Variants in EGFLAM observed in about 807,000 individuals in gnomAD.
The protein encoded by EGFLAM is pikachurin.
A neutral mutation model predicts 113.1 loss-of-function variants in EGFLAM; 79 were observed. The observed-to-expected ratio is 0.70, with a 90% CI of 0.58 to 0.84. The LOEUF (loss-of-function observed/expected upper bound fraction) is 0.84, where lower values mean the gene tolerates loss of function less well. Among genes scored for constraint, EGFLAM ranks in the 40% least tolerant of loss-of-function variants. The pLI is 0.00. For synonymous variants in EGFLAM, 504 were observed against 487.6 expected, an observed-to-expected ratio of 1.03 and a Z score of -0.44; for missense variants, 1,265 against 1,291.6, an observed-to-expected ratio of 0.98 and a Z score of 0.32.
chr5:38,404,271 G>T, intron 6 of EGFLAM, among the ~76,000 whole-genome samples: 1 of 152,176 alleles, frequency 6.6e-6, no homozygotes. Context: ...TAACCCCCAA[G>T]GAGGGGCCTT....
chr5:38,464,315 C>A lies in EGFLAM; in HGVS notation c.*329C>A. ...ATAGCTCAGTGACTGTGTTGTGATT[C>A]ATAGTACATTAAAAAGAGAGAGAGA... On this transcript the variant is annotated 3_prime_UTR_variant, in exon 22 of 22. Coordinates refer to ENST00000322350, the MANE Select transcript of EGFLAM (RefSeq NM_152403.4). The A allele has an allele frequency of 3.8e-6, 1 of 260,542 alleles. No homozygotes were observed. The highest frequency in any genetic ancestry group is 7.3e-6 in the Non-Finnish European group (1 of 136,638). The allele number at this position is 260,542 out of a possible 1,614,324, so 16.1% of individuals were successfully genotyped here. A position where few individuals can be genotyped will look rare whatever the true frequency, so the allele number is the denominator to read the frequency against.
chr5:38,455,212 G>T (rs1378937161), intron 19 of EGFLAM, among the ~76,000 whole-genome samples: 1 of 152,296 alleles, frequency 6.6e-6, no homozygotes, highest in South Asian at 2.1e-4. Flanking sequence ...AAAGCAGGAA[G>T]GTGGCCGAGT....
chr5:38,275,412 A>G (rs891407522), intron 1 of EGFLAM, among the ~76,000 whole-genome samples: 2 of 152,234 alleles, frequency 1.3e-5, no homozygotes, highest in Non-Finnish European at 2.9e-5. Flanking sequence ...AGAGAACAGT[A>G]GTAACTATGC....
intron 6 of EGFLAM, among the ~76,000 whole-genome samples, chr5:38,382,486 C>T (rs1348652891): frequency 6.6e-6 from 1 of 152,142 alleles, no homozygotes; most frequent in Non-Finnish European, 1.5e-5. Flanking sequence ...ATCTTCCCTT[C>T]TGGTATCTTT....
Position 38,435,134 on chromosome 5 carries a change from C to T in EGFLAM, c.2167-3C>T. 6.2e-7 allele frequency: 1 copy of T among 1,611,346 alleles called. No homozygotes were observed. On this transcript the variant is annotated splice_polypyrimidine_tract_variant and splice_region_variant and intron_variant, in intron 15 of 21. Coordinates refer to ENST00000322350, the MANE Select transcript of EGFLAM (RefSeq NM_152403.4). ...CAATGCTTTGTTTTTAATCTTTTGG[C>T]AGGGAGGCTTCACACAGATTAAGTG...
chr5:38,359,967 T>C (rs1219300844), intron 5 of EGFLAM, among the ~76,000 whole-genome samples: 6 of 152,214 alleles, frequency 3.9e-5, no homozygotes, highest in Non-Finnish European at 7.3e-5. Context: ...TTGGTTTCAT[T>C]TGAGACTTTC....
At chr5:38,426,764 C>A (rs987520514) in intron 13 of EGFLAM, among the ~76,000 whole-genome samples, 2 of 152,128 alleles carry the variant, frequency 1.3e-5, no homozygotes, top group African/African-American at 4.8e-5. Context: ...ATCCTGCCAG[C>A]ACGTGAGAGG....
chr5:38,385,312 C>T (rs1227044232), intron 6 of EGFLAM, among the ~76,000 whole-genome samples: 2 of 135,712 alleles, frequency 1.5e-5, no homozygotes, highest in East Asian at 5.0e-4. Context: ...CGCCAACAAA[C>T]ACCAACATCC....
At chr5:38,358,463 A>G (rs201372777) in intron 5 of EGFLAM, among the ~76,000 whole-genome samples, 1 of 151,464 alleles carries the variant, frequency 6.6e-6, no homozygotes, top group East Asian at 2.0e-4. Flanking sequence ...AAAAAAAAAA[A>G]AAAAAGATTA....
intron 6 of EGFLAM, among the ~76,000 whole-genome samples, chr5:38,382,819 G>C (rs1740547478): frequency 6.6e-6 from 1 of 152,178 alleles, no homozygotes; most frequent in African/African-American, 2.4e-5. Flanking sequence ...CAAGAGGCCT[G>C]TCTTAGAACA....
intron 14 of EGFLAM, 81 bp from the exon 15 acceptor site, chr5:38,431,096 T>C: frequency 8.2e-7 from 1 of 1,213,058 alleles, no homozygotes; most frequent in Non-Finnish European, 1.2e-6. Flanking sequence ...CACCCAGAAA[T>C]AATGTTGTAC....
At chr5:38,409,159 A>C in intron 10 of EGFLAM, 55 bp downstream of exon 10, 1 of 1,387,268 alleles carries the variant, frequency 7.2e-7, no homozygotes, top group Non-Finnish European at 9.8e-7. Context: ...CTTACATTAT[A>C]TTTGCCTTTT....
At chr5:38,399,493 G>T (rs970737211) in intron 6 of EGFLAM, among the ~76,000 whole-genome samples, 4 of 151,980 alleles carry the variant, frequency 2.6e-5, no homozygotes, top group Non-Finnish European at 5.9e-5. Flanking sequence ...GTGCAAGCTG[G>T]TCTCAAATTC....
chr5:38,403,620 C>G (rs1410872518), intron 6 of EGFLAM: 3 of 617,082 alleles, frequency 4.9e-6, no homozygotes, highest in Non-Finnish European at 7.7e-6. Flanking sequence ...GATTCATATC[C>G]CAGGCAGGAT....
rs577165539 is a variant in EGFLAM at position 38,258,593 on chromosome 5, C to T, written c.-162C>T. On this transcript the variant is annotated 5_prime_UTR_variant, in exon 1 of 22. Transcript: ENST00000322350. ...CGCCGACCTCCCGGCTGCAGTCCTA[C>T]CTCTTGGAACTACCCGTGTTTCCGG... The T allele has an allele frequency of 2.6e-6, 2 of 765,360 alleles. No individual in the cohort carries two copies. The highest frequency in any genetic ancestry group is 4.4e-6 in the Non-Finnish European group (2 of 457,020). 47.4% of individuals were successfully genotyped at this position (765,360 alleles called of 1,614,324 possible). A position where few individuals can be genotyped will look rare whatever the true frequency, so the allele number is the denominator to read the frequency against.
rs138121667 is a variant in EGFLAM at position 38,280,642 on chromosome 5, G to A, written c.97+21791G>A. ...CTCTCCAGTTGCACTCTTGGCCCTG[G>A]GTAGTAACAATGTCTTATTGGTTCT... is the stretch of plus-strand genomic sequence containing the variant. On this transcript the variant is annotated intron_variant, in intron 1 of 21. Transcript: ENST00000322350. 1.0e-2 allele frequency among the ~76,000 whole-genome samples: 1,520 copies of A among 152,236 alleles called. 10 individuals are homozygous for A. The highest frequency in any genetic ancestry group is 0.014 in the South Asian group (68 of 4,822).
intron 17 of EGFLAM, among the ~76,000 whole-genome samples, chr5:38,446,983 G>A (rs761502526): frequency 5.3e-5 from 8 of 152,074 alleles, no homozygotes; most frequent in Non-Finnish European, 1.0e-4. Context: ...AAGCTATAAC[G>A]TGTTTTATAA....
intron 10 of EGFLAM, among the ~76,000 whole-genome samples, chr5:38,409,675 C>G (rs10065737): frequency 1.3e-5 from 2 of 152,058 alleles, no homozygotes; most frequent in South Asian, 4.1e-4. Context: ...AAGGCTGGGG[C>G]CTTCTCATCT....
At chr5:38,267,860 G>C (rs1055307458) in intron 1 of EGFLAM, among the ~76,000 whole-genome samples, 1 of 152,074 alleles carries the variant, frequency 6.6e-6, no homozygotes, top group African/African-American at 2.4e-5. Context: ...CACGCTAGAG[G>C]GTTCATTAAT....
Sources: gnomAD v4.1 joint callset for allele counts (sites outside exome capture counted in the v4.1 genomes callset) on GRCh38, gnomAD v4.1.1 for gene constraint, MANE v1.5 for transcripts, NCBI Gene and HGNC (gene_info 2026-07-23, HGNC 2026-07-21) for gene names.